Variants in NPAT observed in about 807,000 individuals in gnomAD.
The protein encoded by NPAT is nuclear protein, coactivator of histone transcription.
NPAT carries 52 observed loss-of-function variants against 130.7 expected under a neutral mutation model. The ratio of observed to expected loss-of-function variants is 0.40; its 90% CI spans 0.32 to 0.50. The LOEUF is 0.50. NPAT is among the 20% of genes least tolerant of loss of function. NPAT has a pLI of 0.68. For missense variants in NPAT, 1,687 were observed against 1,662.6 expected (o/e 1.01, Z -0.26); for synonymous variants, 580 against 584.8 (o/e 0.99, Z 0.12).
chr11:108,211,437 G>C (rs1352592335), intron 1 of NPAT, among the ~76,000 whole-genome samples: 2 of 151,982 alleles, frequency 1.3e-5, no homozygotes, highest in East Asian at 3.9e-4. Flanking sequence ...CAGCTACTTG[G>C]GAGGCTGAAA....
chr11:108,173,567 T>A lies in NPAT; in HGVS notation c.1417A>T (p.Asn473Tyr). 1 of 1,614,236 alleles carries A rather than the reference T, an allele frequency of 6.2e-7. No individual in the cohort carries two copies. Among genetic ancestry groups the A allele is most frequent in the Non-Finnish European group, 8.5e-7 (1 of 1,180,036 alleles). Reference sequence around the variant, plus strand: ...ATTTCAGTTTCAGTGGACATCTGATTGGTGTATAATTCAGCACAATGTGGA... The same window carrying A: ...ATTTCAGTTTCAGTGGACATCTGATAGGTGTATAATTCAGCACAATGTGGA... Reference protein sequence around the residue: ...CNPHCAELYTNQMSTETEMAI... With the variant: ...CNPHCAELYTYQMSTETEMAI... Residue 473 changes from asparagine to tyrosine, a missense_variant, in exon 13 of 18, where the codon AAT becomes TAT. Transcript: ENST00000278612.
At position 108,190,642 on chromosome 11, in the gene NPAT, AT is replaced by A. The variant is rs1240680496; in HGVS notation, c.291-143del. The stretch of plus-strand genomic sequence containing the variant: ...TCAGACAAAAAAGACAAACACACAC[AT>A]TTTTTGGGCAAGCAACTGTGATTTG... On this transcript the variant is annotated intron_variant, in intron 4 of 17. Coordinates refer to ENST00000278612, the MANE Select transcript of NPAT (RefSeq NM_002519.3). 8 of 728,158 alleles carry A rather than the reference AT, an allele frequency of 1.1e-5. No individual in the cohort carries two copies. In the East Asian group the frequency reaches 1.6e-4, roughly 15 times the overall value. 45.1% of individuals were successfully genotyped at this position (728,158 alleles called of 1,614,324 possible).
rs201818601 is a variant in NPAT, at chr11:108,173,185, C to A, written c.1799G>T (p.Cys600Phe). The change falls in exon 13 of 18, where the codon TGT becomes TTT. Residue 600 changes from cysteine (C) to phenylalanine (F), a missense_variant. Transcript: ENST00000278612. ...SQLSNCQDNS[C>F]LQSEILPVSV... The stretch of plus-strand genomic sequence containing the variant: ...CACAGGTAGTATTTCACTTTGAAGA[C>A]AAGAATTATCTTGGCAATTTGATAG... The A allele has an allele frequency of 1.2e-4, 187 of 1,613,596 alleles. No individual in the cohort carries two copies. The highest frequency in any genetic ancestry group is 1.4e-4 in the Non-Finnish European group (171 of 1,179,876).
chr11:108,194,504 A>G (rs2078201498), intron 2 of NPAT, among the ~76,000 whole-genome samples: 1 of 152,242 alleles, frequency 6.6e-6, no homozygotes, highest in Non-Finnish European at 1.5e-5. Context: ...AGAAGAAATC[A>G]GAAGGATTTA....
chr11:108,198,315 TAC>T lies in NPAT; in HGVS notation c.38-897_38-896del, dbSNP rs553284845. On this transcript the variant is annotated intron_variant, in intron 1 of 17. Coordinates refer to ENST00000278612, the MANE Select transcript of NPAT (RefSeq NM_002519.3). ...CAGAGAAATAAGGAAGTATGGATCA[TAC>T]AGAGTCAAAAAACCAAAAATCTGCC... is the stretch of plus-strand genomic sequence containing the variant. Among the ~76,000 whole-genome samples, 76 of 152,258 alleles carry T rather than the reference TAC, an allele frequency of 5.0e-4. 1 individual carries two copies. The Middle Eastern group carries it at 0.024, about 48-fold the overall frequency.
At position 108,186,533 on chromosome 11, in the gene NPAT, A is replaced by C. The variant is rs780871545; in HGVS notation, c.675T>G (p.Pro225=). ...SQRKSTTLSG[P]HSTIRNFQDP... The stretch of plus-strand genomic sequence containing the variant: ...CTTGGAAATTCCGTATTGTTGAATG[A>C]GGGCCAGACAAAGTGGTACTTTTTC... The change falls in exon 8 of 18, where the codon CCT becomes CCG. Residue 225 remains proline, a synonymous_variant. Coordinates refer to ENST00000278612, the MANE Select transcript of NPAT (RefSeq NM_002519.3). 4.3e-6 allele frequency: 7 copies of C among 1,614,012 alleles called. No homozygotes were observed. The highest frequency in any genetic ancestry group is 3.3e-5 in the Admixed American group (2 of 60,012).
chr11:108,197,465 C>CT (rs2078234219), intron 1 of NPAT, 45 bp from the exon 2 acceptor site: 1 of 1,265,248 alleles, frequency 7.9e-7, no homozygotes, highest in Admixed American at 1.7e-5. Flanking sequence ...AAATTCTGTA[C>CT]TTTTGGTTAA....
chr11:108,164,215 T>C (rs1478479329), intron 15 of NPAT, among the ~76,000 whole-genome samples: 2 of 152,070 alleles, frequency 1.3e-5, no homozygotes, highest in African/African-American at 2.4e-5. Flanking sequence ...CTGGAATAGT[T>C]TGAAGGAGGA....
rs986951413 is a variant in NPAT, at chr11:108,222,635, C to A, written c.-99G>T. 1.5e-6 allele frequency: 2 copies of A among 1,338,292 alleles called. No individual in the cohort carries two copies. Among genetic ancestry groups the A allele is most frequent in the African/African-American group, 2.9e-5 (2 of 69,184 alleles). The allele number at this position is 1,338,292 out of a possible 1,614,324, so 82.9% of individuals were successfully genotyped here. ...CCGCATCTCCTGGTTCCAGTGGCGG[C>A]ACTGAACTCGCGGCAATTTGTCCCG... On this transcript the variant is annotated 5_prime_UTR_variant, in exon 1 of 18. Transcript: ENST00000278612.
At chr11:108,197,461 T>C (rs762117552) in intron 1 of NPAT, 41 bp from the exon 2 acceptor site, 6 of 1,301,668 alleles carry the variant, frequency 4.6e-6, no homozygotes, top group African/African-American at 4.4e-5. Context: ...TACTAAATTC[T>C]GTACTTTTGG....
At chr11:108,181,231 A>G (rs961975862) in intron 10 of NPAT, among the ~76,000 whole-genome samples, 1 of 152,210 alleles carries the variant, frequency 6.6e-6, no homozygotes, top group Admixed American at 6.5e-5. Flanking sequence ...TGGGAGGCCG[A>G]GGCGGGCAGA....
rs1165550193 is a variant in NPAT at position 108,169,975 on chromosome 11, A to G, written c.2854T>C (p.Ser952Pro). The change falls in exon 14 of 18, where the codon TCT (serine) becomes CCT (proline). Residue 952 changes from serine to proline, a missense_variant. Physicochemically the swap from Ser to Pro is moderately conservative, Grantham distance 74. Coordinates refer to ENST00000278612, the MANE Select transcript of NPAT (RefSeq NM_002519.3). ...TTATTTCCATTCTGTCCAACCACAG[A>G]TACTGGGATCATCCCTACCATTCCT... ...LQGMVGMIPV[S>P]VVGQNGNNFS... The G allele has an allele frequency of 6.2e-7, 1 of 1,614,028 alleles. No homozygotes were observed. Among genetic ancestry groups the G allele is most frequent in the East Asian group, 2.2e-5 (1 of 44,868 alleles).
intron 1 of NPAT, among the ~76,000 whole-genome samples, chr11:108,198,626 T>C (rs551208881): frequency 8.5e-5 from 13 of 152,242 alleles, no homozygotes; most frequent in South Asian, 6.2e-4. Context: ...ACTTCCTAGA[T>C]GTCTTTTAGC....
chr11:108,171,935 T>C (rs1289340214), intron 13 of NPAT: 1 of 446,358 alleles, frequency 2.2e-6, no homozygotes, highest in Non-Finnish European at 4.0e-6. Context: ...TTTCTGTTTA[T>C]TGTAACTTAC....
chr11:108,201,672 A>G (rs2078276560), intron 1 of NPAT, among the ~76,000 whole-genome samples: 1 of 152,230 alleles, frequency 6.6e-6, no homozygotes, highest in Non-Finnish European at 1.5e-5. Context: ...CATGGGGTAT[A>G]ACGTAACCAT....
intron 17 of NPAT, among the ~76,000 whole-genome samples, chr11:108,160,676 T>G (rs940022026): frequency 3.9e-5 from 6 of 152,236 alleles, no homozygotes; most frequent in Non-Finnish European, 7.3e-5. Context: ...CTGGACTGCT[T>G]TGTTGCCCTA....
At position 108,172,410 on chromosome 11, in the gene NPAT, T is replaced by C; in HGVS notation, c.2574A>G (p.Thr858=). The C allele has an allele frequency of 6.2e-7, 1 of 1,614,162 alleles. No homozygotes were observed. The highest frequency in any genetic ancestry group is 8.5e-7 in the Non-Finnish European group (1 of 1,179,984). Residue 858 remains threonine (T), a synonymous_variant, in exon 13 of 18, where the codon ACA becomes ACG. Coordinates refer to ENST00000278612, the MANE Select transcript of NPAT (RefSeq NM_002519.3). The part of the protein sequence containing the change: ...GYIQLMPATS[T]AFGNSNNILI... ...GAATGTTATTTGAATTGCCAAAAGC[T>C]GTGCTTGTGGCTGGCATCAACTGTA...
chr11:108,222,612 G>A lies in NPAT; in HGVS notation c.-76C>T. 3 of 1,516,918 alleles carry A rather than the reference G, an allele frequency of 2.0e-6. No homozygotes were observed. Among genetic ancestry groups the A allele is most frequent in the African/African-American group, 1.4e-5 (1 of 73,128 alleles). The allele number at this position is 1,516,918 out of a possible 1,614,324, so 94.0% of individuals were successfully genotyped here. ...CAAACACAGCGACAGCTCCTGCGCC[G>A]CATCTCCTGGTTCCAGTGGCGGCAC... is the stretch of plus-strand genomic sequence containing the variant. On this transcript the variant is annotated 5_prime_UTR_variant, in exon 1 of 18. Transcript: ENST00000278612.
intron 1 of NPAT, among the ~76,000 whole-genome samples, chr11:108,210,896 C>T (rs1463318266): frequency 6.6e-6 from 1 of 152,182 alleles, no homozygotes; most frequent in Non-Finnish European, 1.5e-5. Context: ...AGAAAGACAT[C>T]ACAAAACTAC....
Sources: allele counts gnomAD v4.1 joint callset (sites outside exome capture counted in the v4.1 genomes callset), GRCh38; gene constraint gnomAD v4.1.1; transcripts MANE v1.5; gene names NCBI Gene and HGNC (gene_info 2026-07-23, HGNC 2026-07-21).